The following AZIN2 variants were observed in gnomAD, a reference collection of about 807,000 sequenced individuals.
The protein encoded by AZIN2 is ODC antizyme inhibitor-2.
AZIN2 carries 28 observed loss-of-function variants against 47.8 expected under a neutral mutation model. That is an observed-to-expected ratio of 0.59 (90% CI 0.43 to 0.80). AZIN2 has a LOEUF of 0.80. Ranked by LOEUF, AZIN2 falls within the 30% of genes least tolerant of loss-of-function variation. The pLI, the probability that AZIN2 is intolerant of heterozygous loss-of-function variation, is 0.00. For missense variants in AZIN2, 535 were observed against 582.5 expected, an observed-to-expected ratio of 0.92 and a Z score of 0.84; for synonymous variants, 221 against 239.4, an observed-to-expected ratio of 0.92 and a Z score of 0.71.
the AZIN2 span, among the ~76,000 whole-genome samples, chr1:33,138,626 C>CAAAAAAAAAAA: frequency 1.5e-4 from 10 of 66,072 alleles, no homozygotes; most frequent in East Asian, 3.4e-4. Flanking sequence ...ACAACAACAA[C>CAAAAAAAAAAA]AAAAAAAAAA....
chr1:33,087,590 C>T (rs555900419), intron 5 of AZIN2, among the ~76,000 whole-genome samples: 11 of 152,108 alleles, frequency 7.2e-5, no homozygotes, highest in African/African-American at 2.7e-4. Context: ...GTGCCTACCA[C>T]CATGCCCGGC....
intron 5 of AZIN2, among the ~76,000 whole-genome samples, chr1:33,087,281 G>A (rs1642021997): frequency 6.6e-6 from 1 of 150,668 alleles, no homozygotes; most frequent in African/African-American, 2.5e-5. Context: ...TTACAGGCAT[G>A]TGCCACGATG....
chr1:33,095,024 C>G (rs1299872227), intron 8 of AZIN2, among the ~76,000 whole-genome samples: 1 of 152,324 alleles, frequency 6.6e-6, no homozygotes, highest in African/African-American at 2.4e-5. Context: ...GGATAGGCCT[C>G]TTCACCCTAA....
the AZIN2 span, chr1:33,142,990 T>G: frequency 6.6e-6 from 1 of 152,204 alleles, no homozygotes; most frequent in Non-Finnish European, 1.5e-5. Context: ...AAATGGGGGC[T>G]CCAAATGGGG....
the AZIN2 span, chr1:33,159,984 A>T: frequency 1.1e-5 from 17 of 1,584,308 alleles, no homozygotes; most frequent in Non-Finnish European, 1.4e-5. The surrounding 1 kb of genome is among the most constrained non-coding windows in gnomAD (Gnocchi z 4.2). Flanking sequence ...CTGGGGGAGC[A>T]GATGGGGTGA....
intron 10 of AZIN2, among the ~76,000 whole-genome samples, chr1:33,105,094 G>A (rs1356886059): frequency 6.6e-6 from 1 of 152,166 alleles, no homozygotes; most frequent in Non-Finnish European, 1.5e-5. Context: ...ATTAAAAGGT[G>A]TTTTTGTTAA....
At chr1:33,140,623 C>T in the AZIN2 span, among the ~76,000 whole-genome samples, 2 of 152,224 alleles carry the variant, frequency 1.3e-5, no homozygotes, top group Non-Finnish European at 2.9e-5. The surrounding 1 kb of genome is among the most constrained non-coding windows in gnomAD (Gnocchi z 4.0). Flanking sequence ...CCCCCTTGGG[C>T]CATCAGTCCC....
chr1:33,153,865 G>T, the AZIN2 span, among the ~76,000 whole-genome samples: 1 of 152,338 alleles, frequency 6.6e-6, no homozygotes, highest in Admixed American at 6.5e-5. Context: ...CATTTGCTGT[G>T]CTAGCTGCTG....
chr1:33,108,586 G>A (rs760812905), intron 10 of AZIN2, among the ~76,000 whole-genome samples: 3 of 151,976 alleles, frequency 2.0e-5, no homozygotes, highest in Non-Finnish European at 4.4e-5. Flanking sequence ...CAAGTGATTC[G>A]CCCACCTTGG....
intron 10 of AZIN2, 48 bp from the exon 11 acceptor site, chr1:33,117,854 C>T: frequency 6.2e-7 from 1 of 1,602,776 alleles, no homozygotes; most frequent in Non-Finnish European, 8.5e-7. Flanking sequence ...AGTGGCAAGG[C>T]TGTTGTATGC....
At chr1:33,119,779 T>C (rs1644730075) in intron 11 of AZIN2, 2 of 541,216 alleles carry the variant, frequency 3.7e-6, no homozygotes, top group Non-Finnish European at 6.6e-6. Context: ...TTTGGGAAGA[T>C]ACAAATAGAT....
the AZIN2 span, among the ~76,000 whole-genome samples, chr1:33,152,918 T>G: frequency 6.6e-6 from 1 of 151,786 alleles, no homozygotes; most frequent in Non-Finnish European, 1.5e-5. Flanking sequence ...CTTGGGACAA[T>G]GGGCTGCCTG....
At chr1:33,143,553 C>T in the AZIN2 span, among the ~76,000 whole-genome samples, 5 of 152,306 alleles carry the variant, frequency 3.3e-5, no homozygotes, top group Admixed American at 2.6e-4. Context: ...TCCACCCACC[C>T]CTGCCAACAG....
the AZIN2 span, chr1:33,159,745 C>A: frequency 6.2e-7 from 1 of 1,613,070 alleles, no homozygotes. The surrounding 1 kb of genome is among the most constrained non-coding windows in gnomAD (Gnocchi z 4.2). Flanking sequence ...TTCAGCCAGC[C>A]GCTCCTGCAG....
chr1:33,131,401 G>GTC, the AZIN2 span, among the ~76,000 whole-genome samples: 1 of 152,178 alleles, frequency 6.6e-6, no homozygotes, highest in African/African-American at 2.4e-5. Context: ...GGCTCTGAGG[G>GTC]TCTAAATCTG....
chr1:33,082,390 C>T (rs1369323088), intron 4 of AZIN2, 36 bp downstream of exon 4: 1 of 1,538,214 alleles, frequency 6.5e-7, no homozygotes, highest in East Asian at 2.3e-5. Flanking sequence ...TCCCCGGTCC[C>T]CTGTACAGAT....
chr1:33,107,665 A>ATACAAAG (rs1343069450), intron 10 of AZIN2, among the ~76,000 whole-genome samples: 1 of 152,232 alleles, frequency 6.6e-6, no homozygotes, highest in African/African-American at 2.4e-5. Flanking sequence ...AAATTAGAAG[A>ATACAAAG]TACAAAGTTA....
chr1:33,097,696 G>C (rs1159521721), intron 9 of AZIN2, among the ~76,000 whole-genome samples: 1 of 152,188 alleles, frequency 6.6e-6, no homozygotes, highest in Admixed American at 6.5e-5. Flanking sequence ...ATCCAATCAA[G>C]AGACCTGGCT....
chr1:33,111,607 A>ATT (rs752298737), intron 10 of AZIN2, among the ~76,000 whole-genome samples: 2 of 144,902 alleles, frequency 1.4e-5, no homozygotes, highest in African/African-American at 2.5e-5. Flanking sequence ...TATATGAATA[A>ATT]TTTTTTTTTT....
Sources: gnomAD v4.1 joint callset for allele counts (sites outside exome capture counted in the v4.1 genomes callset) on GRCh38, gnomAD v4.1.1 for gene constraint, Gnocchi (gnomAD v3.1) non-coding constraint, MANE v1.5 for transcripts, NCBI Gene and HGNC (gene_info 2026-07-23, HGNC 2026-07-21) for gene names.